The following PNPLA7 variants were observed in gnomAD, a reference collection of about 807,000 sequenced individuals.
PNPLA7 encodes the protein patatin like domain 7, lysophospholipase.
PNPLA7 carries 153 observed loss-of-function variants against 161.7 expected under a neutral mutation model. The ratio of observed to expected loss-of-function variants is 0.95; its 90% CI spans 0.83 to 1.08. The LOEUF is 1.08. Ranked by LOEUF, PNPLA7 falls within the 50% of genes least tolerant of loss-of-function variation. The pLI, the probability that PNPLA7 is intolerant of heterozygous loss-of-function variation, is 0.00. For synonymous variants in PNPLA7, 809 were observed against 782.1 expected (o/e 1.03, Z -0.57); for missense variants, 1,739 against 1,856.6 (o/e 0.94, Z 1.16).
At position 137,541,342 on chromosome 9, in the gene PNPLA7, A is replaced by T; in HGVS notation, c.667-620T>A. The T allele has an allele frequency of 1.2e-6, 1 of 860,786 alleles. No individual in the cohort carries two copies. Among genetic ancestry groups the T allele is most frequent in the Non-Finnish European group, 1.4e-6 (1 of 716,130 alleles). The allele number at this position is 860,786 out of a possible 1,614,324, so 53.3% of individuals were successfully genotyped here. A position where few individuals can be genotyped will look rare whatever the true frequency, so the allele number is the denominator to read the frequency against. On this transcript the variant is annotated intron_variant, in intron 7 of 34. Transcript: ENST00000406427. This position sits in a 1 kb window ranked among gnomAD's most constrained non-coding sequence, Gnocchi z 4.4. Reference sequence around the variant, plus strand: ...CTGGGCGGCCTCATCCCCAGGAGCTACTGGCTCCAGCTTCCCCCAAGCCCC... The same window carrying T: ...CTGGGCGGCCTCATCCCCAGGAGCTTCTGGCTCCAGCTTCCCCCAAGCCCC...
At chr9:137,479,904 A>C (rs1832127986) in intron 23 of PNPLA7, 11 of 985,186 alleles carry the variant, frequency 1.1e-5, no homozygotes, top group Non-Finnish European at 1.3e-5. Context: ...AGGCATTCAC[A>C]AGAGGAAAAC....
At chr9:137,494,570 GCCCTCACCTGCTCCGCA>G (rs1832937299) in intron 19 of PNPLA7, among the ~76,000 whole-genome samples, 1 of 151,694 alleles carries the variant, frequency 6.6e-6, no homozygotes, top group Non-Finnish European at 1.5e-5. Flanking sequence ...CCTGCTCTGC[GCCCTCACCTGCTCCGCA>G]CCCTCACCTG....
At chr9:137,515,784 C>T (rs1410108127) in intron 11 of PNPLA7, among the ~76,000 whole-genome samples, 2 of 124,430 alleles carry the variant, frequency 1.6e-5, no homozygotes, top group South Asian at 5.9e-4. Context: ...CCCTCCCCAC[C>T]CCATCCCCCT....
At position 137,547,609 on chromosome 9, in the gene PNPLA7, C is replaced by T. The variant is rs772639289; in HGVS notation, c.81G>A (p.Thr27=). 26 of 1,613,238 alleles carry T rather than the reference C, an allele frequency of 1.6e-5. No homozygotes were observed. The highest frequency in any genetic ancestry group is 1.3e-4 in the South Asian group (12 of 91,084). Residue 27 remains threonine, a synonymous_variant, in exon 2 of 35, where the codon ACG becomes ACA. Transcript: ENST00000406427. The surrounding 1 kb of genome is among the most constrained non-coding windows in gnomAD (Gnocchi z 4.6). ...TALHSWGLWF[T]EEGSPSTMLT... ...CCATGGTGGACGGTGAACCTTCCTC[C>T]GTGAACCACAGTCCCCAAGAGTGCA...
Position 137,491,480 on chromosome 9 carries a change from G to GT in PNPLA7, c.2197+1532dup, listed in dbSNP as rs1832760080. ...ACTCACTTCAAAACTCACGGTGCCG[G>GT]TAAGTGGAGAGCGAAGAGTCACATT... is the stretch of plus-strand genomic sequence containing the variant. On this transcript the variant is annotated intron_variant, in intron 20 of 34. Coordinates refer to ENST00000406427, the MANE Select transcript of PNPLA7 (RefSeq NM_001098537.3). 35 of 980,932 alleles carry GT rather than the reference G, an allele frequency of 3.6e-5. No individual in the cohort carries two copies. The South Asian group carries it at 1.6e-3, about 44-fold the overall frequency. The allele number at this position is 980,932 out of a possible 1,614,324, so 60.8% of individuals were successfully genotyped here.
rs751305772 is a variant in PNPLA7 at position 137,547,642 on chromosome 9, G to C, written c.48C>G (p.Gly16=). The change falls in exon 2 of 35, where the codon GGC becomes GGG. Residue 16 remains glycine, a synonymous_variant. Coordinates refer to ENST00000406427, the MANE Select transcript of PNPLA7 (RefSeq NM_001098537.3). The surrounding 1 kb of genome is among the most constrained non-coding windows in gnomAD (Gnocchi z 4.6). ...DDSPQADFCL[G]TALHSWGLWF... ...ACAGTCCCCAAGAGTGCAGGGCGGT[G>C]CCCAGGCAGAAGTCAGCCTGCAGCA... is the stretch of plus-strand genomic sequence containing the variant. The C allele has an allele frequency of 6.2e-7, 1 of 1,613,054 alleles. No individual in the cohort carries two copies. The highest frequency in any genetic ancestry group is 1.1e-5 in the South Asian group (1 of 91,080).
intron 11 of PNPLA7, among the ~76,000 whole-genome samples, chr9:137,518,590 C>G (rs1457767759): frequency 1.4e-5 from 1 of 73,212 alleles, no homozygotes. Flanking sequence ...CCCACTCACT[C>G]ACTCCACTCT....
At chr9:137,502,796 C>G (rs1183613159) in intron 14 of PNPLA7, among the ~76,000 whole-genome samples, 1 of 73,152 alleles carries the variant, frequency 1.4e-5, no homozygotes, top group East Asian at 4.7e-4. Context: ...CAGGGGGGCA[C>G]TGAACGCACG....
intron 29 of PNPLA7, 144 bp from the exon 30 acceptor site, chr9:137,462,977 A>G: frequency 8.7e-7 from 1 of 1,147,226 alleles, no homozygotes; most frequent in Non-Finnish European, 1.2e-6. Context: ...GAAGACCCAC[A>G]TGCCCAGCTC....
At position 137,490,731 on chromosome 9, in the gene PNPLA7, A is replaced by G. The variant is rs1187545431; in HGVS notation, c.2197+2282T>C. On this transcript the variant is annotated intron_variant, in intron 20 of 34. Coordinates refer to ENST00000406427, the MANE Select transcript of PNPLA7 (RefSeq NM_001098537.3). The surrounding 1 kb of genome is among the most constrained non-coding windows in gnomAD (Gnocchi z 4.1). ...GGAAACCTGAGATGCCGCAAATGAAAGAAGAGCAGGAGGACGGTGACCCTG... is the reference window on the plus strand; with the variant it reads ...GGAAACCTGAGATGCCGCAAATGAAGGAAGAGCAGGAGGACGGTGACCCTG... Among the ~76,000 whole-genome samples the G allele has an allele frequency of 1.3e-5, 2 of 152,246 alleles. No homozygotes were observed. The highest frequency in any genetic ancestry group is 4.8e-5 in the African/African-American group (2 of 41,456).
intron 20 of PNPLA7, among the ~76,000 whole-genome samples, chr9:137,492,695 G>A (rs1832834004): frequency 1.3e-5 from 2 of 150,366 alleles, no homozygotes; most frequent in Admixed American, 6.6e-5. Context: ...AGGATGGGGT[G>A]GGGCCATGGG....
chr9:137,541,257 G>A lies in PNPLA7; in HGVS notation c.667-535C>T, dbSNP rs993447525. On this transcript the variant is annotated intron_variant, in intron 7 of 34. Coordinates refer to ENST00000406427, the MANE Select transcript of PNPLA7 (RefSeq NM_001098537.3). The surrounding 1 kb of genome is among the most constrained non-coding windows in gnomAD (Gnocchi z 4.4). ...TCTAGTCCAAAGGCCAGAGGGACAC[G>A]GGTTCTGGTCCTTCAGGAGGGCCCC... Among the ~76,000 whole-genome samples the A allele has an allele frequency of 2.0e-5, 3 of 152,104 alleles. No homozygotes were observed. The highest frequency in any genetic ancestry group is 4.1e-4 in the South Asian group (2 of 4,838).
intron 25 of PNPLA7, among the ~76,000 whole-genome samples, chr9:137,475,682 GT>G (rs547086173): frequency 0.019 from 2,810 of 144,868 alleles, 34 homozygotes; most frequent in Middle Eastern, 0.042. Context: ...CTGAGAACCT[GT>G]TTTTTTTTTA....
intron 25 of PNPLA7, among the ~76,000 whole-genome samples, chr9:137,469,710 A>C (rs1831628658): frequency 6.6e-6 from 1 of 152,136 alleles, no homozygotes; most frequent in African/African-American, 2.4e-5. Context: ...GCATAACTTA[A>C]AGAGCCAAAA....
Position 137,515,624 on chromosome 9 carries a change from C to T in PNPLA7, c.1085-105G>A, listed in dbSNP as rs531548278. 2.3e-4 allele frequency: 309 copies of T among 1,344,232 alleles called. No individual in the cohort carries two copies. The African/African-American group carries it at 4.0e-3, about 18-fold the overall frequency. The allele number at this position is 1,344,232 out of a possible 1,614,324, so 83.3% of individuals were successfully genotyped here. A position where few individuals can be genotyped will look rare whatever the true frequency, so the allele number is the denominator to read the frequency against. On this transcript the variant is annotated intron_variant, in intron 11 of 34. Coordinates refer to ENST00000406427, the MANE Select transcript of PNPLA7 (RefSeq NM_001098537.3). ...GGAGCAGGGTCCCCACAGTGCCCTG[C>T]GCACCTGAACGCGCTCTGGACCAGC...
intron 21 of PNPLA7, among the ~76,000 whole-genome samples, chr9:137,481,245 G>A (rs1023131858): frequency 1.3e-5 from 2 of 152,238 alleles, no homozygotes. Context: ...GGAAGGGCCT[G>A]TGGCCTGATG....
chr9:137,543,516 G>A lies in PNPLA7; in HGVS notation c.422C>T (p.Ser141Phe). 1.2e-6 allele frequency: 2 copies of A among 1,614,050 alleles called. No individual in the cohort carries two copies. The highest frequency in any genetic ancestry group is 8.5e-7 in the Non-Finnish European group (1 of 1,180,002). ...CTCCGTGAGGTCGGCCTCCAGCAGG[G>A]AGGGCGGGGGCTCCTTGGGCTGCAG... ...PALQPKEPPP[S>F]LLEADLTEFD... Residue 141 changes from serine (S) to phenylalanine (F), a missense_variant, in exon 6 of 35, where the codon TCC (serine) becomes TTC (phenylalanine). Physicochemically the swap from Ser to Phe is radical, Grantham distance 155. Coordinates refer to ENST00000406427, the MANE Select transcript of PNPLA7 (RefSeq NM_001098537.3). This position sits in a 1 kb window ranked among gnomAD's most constrained non-coding sequence, Gnocchi z 6.9.
intron 8 of PNPLA7, among the ~76,000 whole-genome samples, chr9:137,534,173 C>T (rs1264552634): frequency 1.3e-5 from 2 of 151,716 alleles, no homozygotes; most frequent in South Asian, 2.1e-4. Flanking sequence ...GACGGGAGCA[C>T]CCCCAGACTC....
At position 137,547,361 on chromosome 9, in the gene PNPLA7, C is replaced by A. The variant is rs151235437; in HGVS notation, c.141G>T (p.Leu47=). The change falls in exon 3 of 35, where the codon CTG becomes CTT. Residue 47 remains leucine, a synonymous_variant. Transcript: ENST00000406427. This position sits in a 1 kb window ranked among gnomAD's most constrained non-coding sequence, Gnocchi z 4.6. The part of the protein sequence containing the change: ...TGIAVGALLA[L]ALVGVLILFM... ...AAAGGATGAGGACACCAACCAAGGC[C>A]AGGGCCAGGAGGGCTCCAACTGCAA... is the stretch of plus-strand genomic sequence containing the variant. 8.0e-5 allele frequency: 129 copies of A among 1,613,472 alleles called. No individual in the cohort carries two copies. Among genetic ancestry groups the A allele is most frequent in the Non-Finnish European group, 1.1e-4 (128 of 1,180,006 alleles).
Sources: gnomAD v4.1 joint callset for allele counts (sites outside exome capture counted in the v4.1 genomes callset) on GRCh38, gnomAD v4.1.1 for gene constraint, Gnocchi (gnomAD v3.1) non-coding constraint, MANE v1.5 for transcripts, NCBI Gene and HGNC (gene_info 2026-07-23, HGNC 2026-07-21) for gene names.